Variants in SH3D19 observed in about 807,000 individuals in gnomAD.
The protein encoded by SH3D19 is SH3 domain-containing protein 19.
Under a neutral mutation model 112.1 loss-of-function variants are expected in SH3D19, and 58 were observed. The observed-to-expected ratio is 0.52, with a 90% CI of 0.42 to 0.64. The LOEUF (loss-of-function observed/expected upper bound fraction) is 0.64, where lower values mean the gene tolerates loss of function less well. SH3D19 is among the 30% of genes least tolerant of loss of function. SH3D19 has a pLI of 0.00. For synonymous variants in SH3D19, 391 were observed against 448.5 expected (o/e 0.87, Z 1.62); for missense variants, 1,090 against 1,263.4 (o/e 0.86, Z 2.08).
chr4:151,148,253 TTA>T, intron 10 of SH3D19, 67 bp from the exon 11 acceptor site: 1 of 1,250,850 alleles, frequency 8.0e-7, no homozygotes, highest in Admixed American at 2.5e-5. Context: ...CTGTCCTGTC[TTA>T]CACACACACA....
intron 1 of SH3D19, among the ~76,000 whole-genome samples, chr4:151,233,403 T>G (rs1330840166): frequency 6.6e-6 from 1 of 152,146 alleles, no homozygotes; most frequent in Non-Finnish European, 1.5e-5. Flanking sequence ...TTAAGGTGTT[T>G]GCCAGGCTAC....
intron 7 of SH3D19, among the ~76,000 whole-genome samples, chr4:151,168,056 C>T (rs548116227): frequency 6.6e-6 from 1 of 152,204 alleles, no homozygotes; most frequent in Non-Finnish European, 1.5e-5. Flanking sequence ...ATTTTAGGTG[C>T]TGGGAATATA....
chr4:151,154,062 T>C (rs529577482), intron 9 of SH3D19, among the ~76,000 whole-genome samples: 1 of 151,618 alleles, frequency 6.6e-6, no homozygotes, highest in Non-Finnish European at 1.5e-5. Flanking sequence ...CCTGGGTTTA[T>C]GCAATTCTCC....
chr4:151,132,332 TG>T lies in SH3D19; in HGVS notation c.2740del (p.Gln914ArgfsTer59). The T allele has an allele frequency of 6.2e-7, 1 of 1,613,922 alleles. No individual in the cohort carries two copies. Among genetic ancestry groups the T allele is most frequent in the Non-Finnish European group, 8.5e-7 (1 of 1,179,854 alleles). On this transcript the variant is annotated frameshift_variant and splice_region_variant, in exon 17 of 20. Transcript: ENST00000604030. LOFTEE classifies it high-confidence loss of function. ...TKKEDSGSNS[Q>X]VNSLPAEWCE... ...TAGTCATCTGTTCAAGCAGCCTACC[TG>T]AGAGTTTGAGCCAGAATCTTCTTTT... is the stretch of plus-strand genomic sequence containing the variant.
At chr4:151,132,743 C>T (rs1315962705) in intron 16 of SH3D19, among the ~76,000 whole-genome samples, 2 of 152,104 alleles carry the variant, frequency 1.3e-5, no homozygotes, top group Admixed American at 6.6e-5. Flanking sequence ...TCAGGCAATC[C>T]GCCCACCGTG....
intron 1 of SH3D19, among the ~76,000 whole-genome samples, chr4:151,231,163 T>C (rs1446696957): frequency 1.3e-5 from 2 of 152,152 alleles, no homozygotes; most frequent in African/African-American, 4.8e-5. Flanking sequence ...AATGAACTCA[T>C]CCATTATAAG....
chr4:151,145,506 T>C (rs1753771794), intron 11 of SH3D19, among the ~76,000 whole-genome samples: 2 of 152,124 alleles, frequency 1.3e-5, no homozygotes, highest in Non-Finnish European at 2.9e-5. Context: ...CCCCTTTAAC[T>C]GCAATTTTCC....
chr4:151,324,362 C>G (rs1425127911), intron 1 of SH3D19, among the ~76,000 whole-genome samples: 2 of 152,186 alleles, frequency 1.3e-5, no homozygotes, highest in African/African-American at 4.8e-5. Context: ...TAATGAGGCT[C>G]TCAGTGAATC....
intron 2 of SH3D19, among the ~76,000 whole-genome samples, chr4:151,196,640 C>CT (rs1763513720): frequency 6.6e-6 from 1 of 151,454 alleles, no homozygotes; most frequent in Non-Finnish European, 1.5e-5. Flanking sequence ...ATCTATTTTT[C>CT]TTGATGGGAC....
At chr4:151,159,892 C>A (rs1297829787) in intron 8 of SH3D19, among the ~76,000 whole-genome samples, 1 of 152,026 alleles carries the variant, frequency 6.6e-6, no homozygotes, top group Non-Finnish European at 1.5e-5. Context: ...AGATAATATC[C>A]TACCTGTTTT....
intron 7 of SH3D19, 108 bp from the exon 8 acceptor site, chr4:151,165,804 T>G: frequency 2.3e-6 from 2 of 864,502 alleles, no homozygotes; most frequent in Non-Finnish European, 1.8e-6. Context: ...GGGGAAACTA[T>G]TCATGGATAA....
intron 2 of SH3D19, among the ~76,000 whole-genome samples, chr4:151,202,680 G>C (rs1401697507): frequency 4.6e-5 from 7 of 152,184 alleles, no homozygotes; most frequent in South Asian, 4.1e-4. Flanking sequence ...GGGACAGGTA[G>C]GTAGGCAGAC....
At chr4:151,238,248 G>A (rs1770280450) in intron 1 of SH3D19, among the ~76,000 whole-genome samples, 1 of 151,408 alleles carries the variant, frequency 6.6e-6, no homozygotes, top group Non-Finnish European at 1.5e-5. Flanking sequence ...CATAAAGAAA[G>A]GAACTAGATA....
intron 3 of SH3D19, chr4:151,181,798 C>G (rs1760983518): frequency 6.6e-6 from 1 of 152,122 alleles, no homozygotes; most frequent in African/African-American, 2.4e-5. Flanking sequence ...GTTGCCTAAG[C>G]TTTAAAAGGA....
intron 1 of SH3D19, among the ~76,000 whole-genome samples, chr4:151,318,411 C>G (rs1444673521): frequency 6.6e-6 from 1 of 151,256 alleles, no homozygotes; most frequent in African/African-American, 2.4e-5. Flanking sequence ...AAAGGAAGAA[C>G]TAGCCTCAGT....
At chr4:151,158,157 C>T (rs1315102053) in intron 9 of SH3D19, among the ~76,000 whole-genome samples, 1 of 152,036 alleles carries the variant, frequency 6.6e-6, no homozygotes, top group Non-Finnish European at 1.5e-5. Context: ...GATCTGATCC[C>T]TATATAGTAT....
In SH3D19 at chr4:151,251,125, G is replaced by A. The variant is rs192262641; in HGVS notation, c.113-25039C>T. 9.6e-4 allele frequency among the ~76,000 whole-genome samples: 145 copies of A among 151,652 alleles called. 1 individual carries two copies. The highest frequency in any genetic ancestry group is 3.4e-3 in the Middle Eastern group (1 of 290). Reference sequence around the variant, plus strand: ...CCTGACCTTGTTATAACCAATACCTGCACCCTTTCCAGAATCTCATTTTTA... The same window carrying A: ...CCTGACCTTGTTATAACCAATACCTACACCCTTTCCAGAATCTCATTTTTA... On this transcript the variant is annotated intron_variant, in intron 1 of 19. Transcript: ENST00000604030.
At position 151,148,026 on chromosome 4, in the gene SH3D19, A is replaced by C. The variant is rs759686281; in HGVS notation, c.1978T>G (p.Leu660Val). The C allele has an allele frequency of 1.2e-6, 2 of 1,613,974 alleles. No individual in the cohort carries two copies. Among genetic ancestry groups the C allele is most frequent in the Non-Finnish European group, 1.7e-6 (2 of 1,180,026 alleles). The change falls in exon 11 of 20, where the codon TTG becomes GTG. Residue 660 changes from leucine (L) to valine (V), a missense_variant. Coordinates refer to ENST00000604030, the MANE Select transcript of SH3D19 (RefSeq NM_001378122.1). Reference sequence around the variant, plus strand: ...TTGGCTTTTGAGAGTCCAGTTGCCAAGTTACTTTGTTTTTTCTGAAGATCC... The same window carrying C: ...TTGGCTTTTGAGAGTCCAGTTGCCACGTTACTTTGTTTTTTCTGAAGATCC... ...DMDLQKKQSN[L>V]ATGLSKAKSQ... is the part of the protein sequence containing the mutation.
At chr4:151,307,017 C>CTTTTTTT (rs750863632) in intron 1 of SH3D19, among the ~76,000 whole-genome samples, 1 of 122,926 alleles carries the variant, frequency 8.1e-6, no homozygotes, top group Non-Finnish European at 1.7e-5. Context: ...ATGATGACTT[C>CTTTTTTT]TTTTTTTTTT....
Sources: allele counts gnomAD v4.1 joint callset (sites outside exome capture counted in the v4.1 genomes callset), GRCh38; gene constraint gnomAD v4.1.1; transcripts MANE v1.5; gene names NCBI Gene and HGNC (gene_info 2026-07-23, HGNC 2026-07-21).